Variants in PID1 observed in about 807,000 individuals in gnomAD.
The protein encoded by PID1 is phosphotyrosine interaction domain containing 1.
PID1 carries 10 observed loss-of-function variants against 19.1 expected under a neutral mutation model. The ratio of observed to expected loss-of-function variants is 0.52; its 90% CI spans 0.32 to 0.89. PID1 has a LOEUF of 0.89. Among genes scored for constraint, PID1 ranks in the 40% least tolerant of loss-of-function variants. The pLI, the probability that PID1 is intolerant of heterozygous loss-of-function variation, is 0.03. For synonymous variants in PID1, 130 were observed against 116.0 expected, an observed-to-expected ratio of 1.12 and a Z score of -0.78; for missense variants, 248 against 285.3, an observed-to-expected ratio of 0.87 and a Z score of 0.94.
At chr2:229,185,082 C>CATATATATCCT (rs1559275368) in intron 1 of PID1, among the ~76,000 whole-genome samples, 4 of 142,524 alleles carry the variant, frequency 2.8e-5, no homozygotes, top group African/African-American at 5.2e-5. Context: ...ATATATCCTA[C>CATATATATCCT]ATATATATCC....
chr2:229,121,037 A>C (rs963782453), intron 2 of PID1, among the ~76,000 whole-genome samples: 1 of 152,076 alleles, frequency 6.6e-6, no homozygotes, highest in Non-Finnish European at 1.5e-5. Flanking sequence ...CCCAGCATGA[A>C]GAACTGTGAG....
intron 2 of PID1, among the ~76,000 whole-genome samples, chr2:229,083,541 G>C (rs988172674): frequency 2.0e-5 from 3 of 152,150 alleles, no homozygotes; most frequent in African/African-American, 7.2e-5. Flanking sequence ...TCTGTTATTT[G>C]AGAAATAACT....
At chr2:229,264,590 T>A (rs1338865700) in intron 1 of PID1, among the ~76,000 whole-genome samples, 1 of 152,202 alleles carries the variant, frequency 6.6e-6, no homozygotes. Context: ...CGTCGCACTT[T>A]CCTATACATT....
chr2:229,179,155 T>C (rs951625130), intron 1 of PID1, among the ~76,000 whole-genome samples: 12 of 152,144 alleles, frequency 7.9e-5, no homozygotes, highest in African/African-American at 2.7e-4. Flanking sequence ...CTGTGTCTCC[T>C]CATACTGAGG....
At chr2:229,111,733 T>C (rs1033516975) in intron 2 of PID1, among the ~76,000 whole-genome samples, 3 of 152,216 alleles carry the variant, frequency 2.0e-5, no homozygotes, top group Non-Finnish European at 2.9e-5. Flanking sequence ...TAAATACTTT[T>C]AAGCCTTTTA....
chr2:229,139,034 A>AGAAAGAAAGAAG, intron 2 of PID1, among the ~76,000 whole-genome samples: 1 of 68,316 alleles, frequency 1.5e-5, no homozygotes, highest in Non-Finnish European at 3.3e-5. Context: ...AAAGAAAGAA[A>AGAAAGAAAGAAG]GAAAGAGAAA....
At chr2:229,103,908 CAA>C (rs1157710034) in intron 2 of PID1, among the ~76,000 whole-genome samples, 3 of 152,140 alleles carry the variant, frequency 2.0e-5, no homozygotes, top group Non-Finnish European at 4.4e-5. Context: ...AGGAATTCTC[CAA>C]GATTGGTGAT....
chr2:229,133,781 CTTTTT>C (rs897577738), intron 2 of PID1, among the ~76,000 whole-genome samples: 2 of 149,826 alleles, frequency 1.3e-5, no homozygotes, highest in Middle Eastern at 3.4e-3. Flanking sequence ...TTTTTTTTTT[CTTTTT>C]TTAATTATTA....
In PID1 at chr2:229,170,480, C is replaced by A. The variant is rs138248707; in HGVS notation, c.31-14516G>T. ...TACAAAAATTTTTATTCTTTTCCCT[C>A]CTATTTTCTGCCATTTAAATATAGA... On this transcript the variant is annotated intron_variant, in intron 1 of 2. Coordinates refer to ENST00000392055, the MANE Select transcript of PID1 (RefSeq NM_001100818.2). Among the ~76,000 whole-genome samples the A allele has an allele frequency of 3.9e-3, 597 of 152,228 alleles. 5 individuals carry two copies. Among genetic ancestry groups the A allele is most frequent in the African/African-American group, 0.014 (564 of 41,536 alleles).
At chr2:229,225,330 A>G (rs1481842717) in intron 1 of PID1, among the ~76,000 whole-genome samples, 1 of 152,122 alleles carries the variant, frequency 6.6e-6, no homozygotes, top group Non-Finnish European at 1.5e-5. Flanking sequence ...ACAGTAATGC[A>G]TGGGTTATTC....
At chr2:229,243,116 G>A (rs1348035305) in intron 1 of PID1, among the ~76,000 whole-genome samples, 1 of 152,154 alleles carries the variant, frequency 6.6e-6, no homozygotes. Flanking sequence ...CATGGTGGAA[G>A]GCAAGGAGAA....
chr2:229,183,287 C>T (rs1358961165), intron 1 of PID1, among the ~76,000 whole-genome samples: 5 of 152,168 alleles, frequency 3.3e-5, no homozygotes, highest in Non-Finnish European at 7.3e-5. Context: ...CGTTAGGAAC[C>T]AACCCTGCTG....
At chr2:229,203,708 C>T (rs553891756) in intron 1 of PID1, among the ~76,000 whole-genome samples, 2 of 151,972 alleles carry the variant, frequency 1.3e-5, no homozygotes, top group South Asian at 2.1e-4. Flanking sequence ...ATGAAGTAGT[C>T]TGCACACAGG....
chr2:229,032,645 T>C (rs1231170271), intron 2 of PID1, among the ~76,000 whole-genome samples: 1 of 152,204 alleles, frequency 6.6e-6, no homozygotes, highest in African/African-American at 2.4e-5. Context: ...AAGTAACAAC[T>C]AGCTGGAAAT....
intron 1 of PID1, among the ~76,000 whole-genome samples, chr2:229,256,655 T>C (rs771965677): frequency 2.6e-5 from 4 of 152,214 alleles, no homozygotes; most frequent in African/African-American, 7.2e-5. Context: ...ACTGAATTCA[T>C]GGGACACACT....
At chr2:229,036,791 C>A (rs1369450402) in intron 2 of PID1, among the ~76,000 whole-genome samples, 1 of 152,176 alleles carries the variant, frequency 6.6e-6, no homozygotes, top group Non-Finnish European at 1.5e-5. Context: ...GAAAATGGAT[C>A]TAGCTGTCCC....
At chr2:229,258,983 A>T (rs1204646499) in intron 1 of PID1, among the ~76,000 whole-genome samples, 1 of 150,120 alleles carries the variant, frequency 6.7e-6, no homozygotes, top group Non-Finnish European at 1.5e-5. Flanking sequence ...TGAATAAATC[A>T]TTTTACCTTC....
intron 1 of PID1, among the ~76,000 whole-genome samples, chr2:229,208,783 G>A (rs1691662909): frequency 1.3e-5 from 2 of 152,202 alleles, no homozygotes; most frequent in Non-Finnish European, 2.9e-5. Context: ...GACGGAGGAG[G>A]CAGGAGGAGA....
chr2:229,075,209 G>A (rs1375902040), intron 2 of PID1, among the ~76,000 whole-genome samples: 2 of 152,202 alleles, frequency 1.3e-5, no homozygotes, highest in East Asian at 3.9e-4. Context: ...CCCAGGAAAA[G>A]GTCAAAATTC....
Sources: allele counts gnomAD v4.1 joint callset (sites outside exome capture counted in the v4.1 genomes callset), GRCh38; gene constraint gnomAD v4.1.1; transcripts MANE v1.5; gene names NCBI Gene and HGNC (gene_info 2026-07-23, HGNC 2026-07-21).